Variants in PML observed in about 807,000 individuals in gnomAD.
PML encodes PML nuclear body scaffold, also known as protein PML.
In PML, 28 loss-of-function variants were observed where a neutral mutation model predicts 65.2. That is an observed-to-expected ratio of 0.43 (90% CI 0.32 to 0.59). The LOEUF is 0.59. Ranked by LOEUF, PML falls within the 20% of genes least tolerant of loss-of-function variation. The pLI, the probability that PML is intolerant of heterozygous loss-of-function variation, is 0.08. For synonymous variants in PML, 500 were observed against 508.8 expected (o/e 0.98, Z 0.23); for missense variants, 1,021 against 1,203.4 (o/e 0.85, Z 2.24).
At position 74,037,405 on chromosome 15, in the gene PML, G is replaced by C. The variant is rs561229883; in HGVS notation, c.1710+2875G>C. The C allele has an allele frequency of 2.0e-6, 2 of 985,350 alleles. No individual in the cohort carries two copies. Among genetic ancestry groups the C allele is most frequent in the South Asian group, 4.7e-5 (1 of 21,278 alleles). The allele number at this position is 985,350 out of a possible 1,614,324, so 61.0% of individuals were successfully genotyped here. ...GGCCCCAGCCCTTGACCCCCTGGGA[G>C]CCTCACTCCTCCTCCTCATCTCTCT... On this transcript the variant is annotated intron_variant, in intron 7 of 8. Coordinates refer to ENST00000268058, the MANE Select transcript of PML (RefSeq NM_033238.3). This position sits in a 1 kb window ranked among gnomAD's most constrained non-coding sequence, Gnocchi z 4.2.
At chr15:74,023,489 A>C (rs2070937947) in intron 3 of PML, 81 bp downstream of exon 3, 4 of 1,137,090 alleles carry the variant, frequency 3.5e-6, no homozygotes, top group African/African-American at 1.5e-5. Flanking sequence ...GATCATCTCC[A>C]TTTGACAGAA....
At position 74,046,598 on chromosome 15, in the gene PML, C is replaced by T. The variant is rs6772; in HGVS notation, c.*1590C>T. 0.72 allele frequency: 167,449 copies of T among 232,358 alleles called. 60,945 individuals carry two copies. The highest frequency in any genetic ancestry group is 0.83 in the Middle Eastern group (647 of 782). The allele number at this position is 232,358 out of a possible 1,614,324, so 14.4% of individuals were successfully genotyped here. On this transcript the variant is annotated 3_prime_UTR_variant, in exon 9 of 9. Transcript: ENST00000268058. ...AGATTCTGATGCCAGACTGTTAAAA[C>T]AGGCGCTGGTTCTGAAGCACCGATG...
In PML at chr15:74,044,098, C is replaced by T. The variant is rs1312284016; in HGVS notation, c.1862-123C>T. On this transcript the variant is annotated intron_variant, in intron 8 of 8. Coordinates refer to ENST00000268058, the MANE Select transcript of PML (RefSeq NM_033238.3). ...GCATTTGGGGGCTGATGTGTGGCTA[C>T]TGCCAGCAGACCCCAAGGTGAGGTC... 18 of 901,488 alleles carry T rather than the reference C, an allele frequency of 2.0e-5. No individual in the cohort carries two copies. In the East Asian group the frequency reaches 3.7e-4, roughly 19 times the overall value. The allele number at this position is 901,488 out of a possible 1,614,324, so 55.8% of individuals were successfully genotyped here. A position where few individuals can be genotyped will look rare whatever the true frequency, so the allele number is the denominator to read the frequency against.
intron 2 of PML, among the ~76,000 whole-genome samples, chr15:74,006,458 A>G (rs1182411347): frequency 6.6e-6 from 1 of 152,018 alleles, no homozygotes. Context: ...CATGGGTATC[A>G]CATCTAGCAT....
Position 74,037,582 on chromosome 15 carries a change from C to T in PML, c.1710+3052C>T. ...CACTTCAGCCCCCTCCTTGCCCCTT[C>T]TTCACCCCACCTCCTGCGCTTCCCC... On this transcript the variant is annotated intron_variant, in intron 7 of 8. Transcript: ENST00000268058. The surrounding 1 kb of genome is among the most constrained non-coding windows in gnomAD (Gnocchi z 4.2). The T allele has an allele frequency of 2.0e-6, 2 of 985,422 alleles. No homozygotes were observed. Among genetic ancestry groups the T allele is most frequent in the Non-Finnish European group, 1.2e-6 (1 of 829,936 alleles). The allele number at this position is 985,422 out of a possible 1,614,324, so 61.0% of individuals were successfully genotyped here.
In PML at chr15:74,047,205, G is replaced by A. The variant is rs1045086970; in HGVS notation, c.*2197G>A. On this transcript the variant is annotated 3_prime_UTR_variant, in exon 9 of 9. Coordinates refer to ENST00000268058, the MANE Select transcript of PML (RefSeq NM_033238.3). ...AGGTGGTAAAACCCTTAAAAAGGGA[G>A]GTGTGGGAGGCCCAGGACTTTGGTA... The A allele has an allele frequency of 1.3e-5, 3 of 231,062 alleles. No homozygotes were observed. The highest frequency in any genetic ancestry group is 5.7e-5 in the Admixed American group (1 of 17,682). 14.3% of individuals were successfully genotyped at this position (231,062 alleles called of 1,614,324 possible). A position where few individuals can be genotyped will look rare whatever the true frequency, so the allele number is the denominator to read the frequency against.
chr15:74,009,098 G>A (rs2070202022), intron 2 of PML, among the ~76,000 whole-genome samples: 2 of 152,184 alleles, frequency 1.3e-5, no homozygotes, highest in Admixed American at 6.5e-5. Context: ...GCACTTGCCT[G>A]ACCAGACATT....
intron 2 of PML, among the ~76,000 whole-genome samples, chr15:73,999,321 G>T (rs548906463): frequency 4.6e-5 from 7 of 152,170 alleles, no homozygotes; most frequent in African/African-American, 1.7e-4. Context: ...GGCGCTTCTT[G>T]GTTCTTAGAG....
chr15:74,044,800 G>A lies in PML; in HGVS notation c.2441G>A (p.Arg814His), dbSNP rs200577511. The change falls in exon 9 of 9, where the codon CGT becomes CAT. Residue 814 changes from arginine to histidine, a missense_variant. By Grantham distance (29) the Arg-to-His change is conservative. Transcript: ENST00000268058. ...SFMELLSAHR[R>H]DRQGGLKKYS... The stretch of plus-strand genomic sequence containing the variant: ...ATGGAGCTGCTGAGTGCACACCGCC[G>A]TGACCGGCAGGGGGGCCTGAAGAAG... 41 of 1,613,204 alleles carry A rather than the reference G, an allele frequency of 2.5e-5. No individual in the cohort carries two copies. The highest frequency in any genetic ancestry group is 3.3e-5 in the Admixed American group (2 of 60,036).
At chr15:74,033,610 T>A in intron 6 of PML, 196 bp downstream of exon 6, 1 of 727,972 alleles carries the variant, frequency 1.4e-6, no homozygotes, top group Non-Finnish European at 2.4e-6. Context: ...TTGCCATGAT[T>A]GAGGTGTGGG....
chr15:74,033,945 A>G, intron 6 of PML: 1 of 345,298 alleles, frequency 2.9e-6, no homozygotes, highest in Non-Finnish European at 5.3e-6. Flanking sequence ...ATCTGGAACA[A>G]GAGAGTTCTA....
chr15:74,042,845 C>T lies in PML; in HGVS notation c.1711-144C>T. Reference sequence around the variant, plus strand: ...ACCCATTCATGCACACATACCTTCTCTTGTGCACACGTCCCCTTTCCCAGT... The same window carrying T: ...ACCCATTCATGCACACATACCTTCTTTTGTGCACACGTCCCCTTTCCCAGT... On this transcript the variant is annotated intron_variant, in intron 7 of 8. Coordinates refer to ENST00000268058, the MANE Select transcript of PML (RefSeq NM_033238.3). This position sits in a 1 kb window ranked among gnomAD's most constrained non-coding sequence, Gnocchi z 5.3. 6.4e-7 allele frequency: 1 copy of T among 1,552,198 alleles called. No individual in the cohort carries two copies. The highest frequency in any genetic ancestry group is 8.7e-7 in the Non-Finnish European group (1 of 1,155,702).
chr15:74,022,257 G>A (rs1424360608), intron 2 of PML, among the ~76,000 whole-genome samples: 3 of 152,050 alleles, frequency 2.0e-5, no homozygotes, highest in Non-Finnish European at 4.4e-5. Context: ...GCGCCCGGCC[G>A]ATTTCTTTCT....
Position 73,998,298 on chromosome 15 carries a change from G to T in PML, c.424G>T (p.Glu142Ter). ...AGAGTCGGCCGACTTCTGGTGCTTT[G>T]AGTGCGAGCAGCTCCTCTGCGCCAA... is the stretch of plus-strand genomic sequence containing the variant. Reference protein sequence around the residue: ...CKESADFWCFECEQLLCAKCF... With the variant: ...CKESADFWCF Residue 142 changes from glutamate (E) to a stop codon, truncating the protein, a stop_gained, in exon 2 of 9, where the codon GAG (glutamate) becomes TAG (stop). Coordinates refer to ENST00000268058, the MANE Select transcript of PML (RefSeq NM_033238.3). LOFTEE classifies it high-confidence loss of function. 6.2e-7 allele frequency: 1 copy of T among 1,614,184 alleles called. No individual in the cohort carries two copies. Among genetic ancestry groups the T allele is most frequent in the Non-Finnish European group, 8.5e-7 (1 of 1,180,030 alleles).
chr15:74,032,851 CTG>C (rs1301250976), intron 5 of PML, 136 bp downstream of exon 5: 1 of 942,572 alleles, frequency 1.1e-6, no homozygotes, highest in African/African-American at 1.6e-5. Flanking sequence ...AACGCCTTCT[CTG>C]TGCTCTCCCC....
chr15:74,034,961 G>A, intron 7 of PML: 1 of 1,471,684 alleles, frequency 6.8e-7, no homozygotes. Flanking sequence ...AGTGAGGTTT[G>A]ACTCCATCCA....
intron 2 of PML, among the ~76,000 whole-genome samples, chr15:74,019,408 A>G (rs990291532): frequency 3.3e-5 from 5 of 152,248 alleles, no homozygotes; most frequent in African/African-American, 9.7e-5. Context: ...CCTATACCCT[A>G]TAGAATTGCC....
At chr15:74,006,671 A>T (rs1378970881) in intron 2 of PML, among the ~76,000 whole-genome samples, 2 of 152,186 alleles carry the variant, frequency 1.3e-5, no homozygotes. Context: ...GGAATACCTG[A>T]GGCTGGGTAA....
intron 1 of PML, among the ~76,000 whole-genome samples, chr15:73,995,350 G>A (rs1223749711): frequency 6.6e-6 from 1 of 152,218 alleles, no homozygotes; most frequent in East Asian, 1.9e-4. Flanking sequence ...TCCCAGGCAC[G>A]GCAAAACTAA....
Sources: allele counts gnomAD v4.1 joint callset (sites outside exome capture counted in the v4.1 genomes callset), GRCh38; gene constraint gnomAD v4.1.1; non-coding constraint Gnocchi (gnomAD v3.1); transcripts MANE v1.5; gene names NCBI Gene and HGNC (gene_info 2026-07-23, HGNC 2026-07-21).